The following STAU1 variants were observed in gnomAD, a reference collection of about 807,000 sequenced individuals.
The protein encoded by STAU1 is staufen double-stranded RNA binding protein 1.
In STAU1, 13 loss-of-function variants were observed where a neutral mutation model predicts 62.9. The ratio of observed to expected loss-of-function variants is 0.21; its 90% CI spans 0.13 to 0.33. STAU1 has a LOEUF of 0.33. Ranked by LOEUF, STAU1 falls within the 10% of genes least tolerant of loss-of-function variation. The pLI, the probability that STAU1 is intolerant of heterozygous loss-of-function variation, is 1.00. For synonymous variants in STAU1, 269 were observed against 265.1 expected (o/e 1.01, Z -0.14); for missense variants, 571 against 712.1 (o/e 0.80, Z 2.25).
chr20:49,171,005 T>C (rs1351013108), intron 2 of STAU1, among the ~76,000 whole-genome samples: 1 of 152,236 alleles, frequency 6.6e-6, no homozygotes, highest in Non-Finnish European at 1.5e-5. Flanking sequence ...CAAAAACTTA[T>C]TAAGCATCTA....
intron 1 of STAU1, among the ~76,000 whole-genome samples, chr20:49,181,144 T>C (rs2093719839): frequency 6.6e-6 from 1 of 152,182 alleles, no homozygotes; most frequent in South Asian, 2.1e-4. Context: ...AAATACAACA[T>C]AAAGGGTCTA....
Position 49,123,230 on chromosome 20 carries a change from C to G in STAU1, c.828G>C (p.Gln276His). 1.9e-6 allele frequency: 3 copies of G among 1,614,160 alleles called. No homozygotes were observed. The highest frequency in any genetic ancestry group is 2.2e-5 in the South Asian group (2 of 91,076). The change falls in exon 8 of 14, where the codon CAG (glutamine) becomes CAC (histidine). Residue 276 changes from glutamine (Q) to histidine (H), a missense_variant. By Grantham distance (24) the Gln-to-His change is conservative. Around this residue, in one of 3 missense-constraint regions of STAU1, gnomAD observed 414 missense variants for 499.6 expected, o/e 0.83. Coordinates refer to ENST00000371856, the MANE Select transcript of STAU1 (RefSeq NM_017453.4). ...KKKTKPIVKP[Q>H]TSPEYGQGIN... is the part of the protein sequence containing the mutation. The stretch of plus-strand genomic sequence containing the variant: ...TCCCCTGGCCATATTCTGGGCTTGT[C>G]TGTGGCTGAGGAACAAACAAGGCAG...
intron 13 of STAU1, among the ~76,000 whole-genome samples, 171 bp downstream of exon 13, chr20:49,115,611 T>C (rs963803368): frequency 2.0e-5 from 3 of 152,190 alleles, no homozygotes; most frequent in African/African-American, 7.2e-5. Flanking sequence ...TCAAAATGTC[T>C]TTTAAAAGTA....
intron 5 of STAU1, among the ~76,000 whole-genome samples, chr20:49,140,609 A>T (rs2092986869): frequency 6.6e-6 from 1 of 152,150 alleles, no homozygotes; most frequent in Admixed American, 6.6e-5. Flanking sequence ...GCATAGAAAC[A>T]GAAAGTAAAG....
chr20:49,145,460 TG>T (rs1242309980), intron 5 of STAU1, among the ~76,000 whole-genome samples: 110 of 119,070 alleles, frequency 9.2e-4, no homozygotes, highest in Admixed American at 7.6e-3. Context: ...AGACCAAGCG[TG>T]GTGGCTCACG....
chr20:49,114,594 CGGGA>C lies in STAU1; in HGVS notation c.*280_*283del. On this transcript the variant is annotated 3_prime_UTR_variant, in exon 14 of 14. Transcript: ENST00000371856. ...CCAGGGTGTGGATCTGCTGGTGTCC[CGGGA>C]GAACCAGCTGGCTGGGCAGCCCTTC... 3 of 443,050 alleles carry C rather than the reference CGGGA, an allele frequency of 6.8e-6. No homozygotes were observed. Among genetic ancestry groups the C allele is most frequent in the South Asian group, 4.4e-5 (1 of 22,748 alleles). 27.4% of individuals were successfully genotyped at this position (443,050 alleles called of 1,614,324 possible).
At chr20:49,173,010 T>C (rs1417117892) in intron 2 of STAU1, among the ~76,000 whole-genome samples, 2 of 151,288 alleles carry the variant, frequency 1.3e-5, no homozygotes, top group Non-Finnish European at 2.9e-5. Context: ...ACCTGGCTAA[T>C]GTTTTTTGTA....
the STAU1 span, among the ~76,000 whole-genome samples, chr20:49,206,742 TATATATATA>T: frequency 3.7e-5 from 5 of 134,532 alleles, no homozygotes; most frequent in African/African-American, 5.9e-5. Flanking sequence ...TATATATATA[TATATATATA>T]TTTTATTTTA....
chr20:49,118,427 A>G lies in STAU1; in HGVS notation c.1114-19T>C, dbSNP rs542588754. 224 of 1,576,224 alleles carry G rather than the reference A, an allele frequency of 1.4e-4. 1 individual carries two copies. In the Middle Eastern group the frequency reaches 3.6e-3, roughly 25 times the overall value. ...TGGGTGTCTTAAAAAAGAAGAAGAA[A>G]AAAAAAAGGCCATGAGCATAAATCA... On this transcript the variant is annotated intron_variant, in intron 9 of 13. Transcript: ENST00000371856.
chr20:49,147,803 G>A (rs1205835569), intron 5 of STAU1, among the ~76,000 whole-genome samples: 1 of 152,184 alleles, frequency 6.6e-6, no homozygotes, highest in Non-Finnish European at 1.5e-5. Flanking sequence ...GTCCTCCAAG[G>A]AATTTTAAGT....
chr20:49,122,060 T>G (rs6125557), intron 8 of STAU1, among the ~76,000 whole-genome samples: 16,158 of 152,284 alleles, frequency 0.11, 1,005 homozygotes, highest in Non-Finnish European at 0.13. Flanking sequence ...TTTCCTACCT[T>G]CTGACTGCAT....
At chr20:49,158,922 A>AATAAATAG in intron 3 of STAU1, 1 of 1,240,022 alleles carries the variant, frequency 8.1e-7, no homozygotes. Flanking sequence ...TAAATAAATA[A>AATAAATAG]ATAAATAATC....
chr20:49,210,832 A>T, the STAU1 span, among the ~76,000 whole-genome samples: 14 of 152,204 alleles, frequency 9.2e-5, no homozygotes, highest in Non-Finnish European at 1.8e-4. Context: ...AAAATTAGCC[A>T]TTTCACAGTG....
rs1349583293 is a variant in STAU1, at chr20:49,123,231, T to G, written c.827A>C (p.Gln276Pro). ...KKKTKPIVKP[Q>P]TSPEYGQGIN... is the part of the protein sequence containing the mutation. ...CCCCTGGCCATATTCTGGGCTTGTC[T>G]GTGGCTGAGGAACAAACAAGGCAGA... Residue 276 changes from glutamine to proline, a missense_variant, in exon 8 of 14, where the codon CAG (glutamine) becomes CCG (proline). Physicochemically the swap from Gln to Pro is moderately conservative, Grantham distance 76. Coordinates refer to ENST00000371856, the MANE Select transcript of STAU1 (RefSeq NM_017453.4). 6.2e-7 allele frequency: 1 copy of G among 1,614,098 alleles called. No homozygotes were observed. Among genetic ancestry groups the G allele is most frequent in the Non-Finnish European group, 8.5e-7 (1 of 1,180,040 alleles).
At chr20:49,125,749 G>A (rs181084002) in intron 6 of STAU1, among the ~76,000 whole-genome samples, 29 of 152,120 alleles carry the variant, frequency 1.9e-4, no homozygotes, top group Non-Finnish European at 3.4e-4. Flanking sequence ...TCGGGAGGCT[G>A]AAGCAGGAGA....
rs34370524 is a variant in STAU1 at position 49,137,832 on chromosome 20, A to ATTTT, written c.511-1905_511-1902dup. On this transcript the variant is annotated intron_variant, in intron 5 of 13. Coordinates refer to ENST00000371856, the MANE Select transcript of STAU1 (RefSeq NM_017453.4). Reference sequence around the variant, plus strand: ...AGGCACCCACCACCACACCCGGCTAATTTTTTTTTTTTTTTTTTTGTATCT... The same window carrying ATTTT: ...AGGCACCCACCACCACACCCGGCTAATTTTTTTTTTTTTTTTTTTTTTTGTATCT... Among the ~76,000 whole-genome samples, 754 of 128,416 alleles carry ATTTT rather than the reference A, an allele frequency of 5.9e-3. 13 individuals are homozygous for ATTTT. Among genetic ancestry groups the ATTTT allele is most frequent in the African/African-American group, 0.013 (473 of 35,044 alleles). 84.2% of individuals were successfully genotyped at this position (128,416 alleles called of 152,430 possible).
chr20:49,212,615 A>ATTTTGTTTTTTTTTTTTTTTTTTTTTTTT, the STAU1 span, among the ~76,000 whole-genome samples: 1 of 85,176 alleles, frequency 1.2e-5, no homozygotes, highest in East Asian at 3.3e-4. Context: ...AGCTATTGGA[A>ATTTTGTTTTTTTTTTTTTTTTTTTTTTTT]TTTTTTTTTT....
chr20:49,141,105 C>T (rs2092996719), intron 5 of STAU1, among the ~76,000 whole-genome samples: 1 of 151,988 alleles, frequency 6.6e-6, no homozygotes, highest in African/African-American at 2.4e-5. Flanking sequence ...CTTTGAATGC[C>T]ACGTACATGC....
Position 49,117,295 on chromosome 20 carries a change from G to T in STAU1, c.1510-47C>A. Reference sequence around the variant, plus strand: ...AGGCTAGGTAGGGAACAGCAAGTATGAGTGGGCTGGAGGGCTGCAGCTCCA... The same window carrying T: ...AGGCTAGGTAGGGAACAGCAAGTATTAGTGGGCTGGAGGGCTGCAGCTCCA... On this transcript the variant is annotated intron_variant, in intron 11 of 13. Transcript: ENST00000371856. The surrounding 1 kb of genome is among the most constrained non-coding windows in gnomAD (Gnocchi z 4.6). The T allele has an allele frequency of 1.2e-6, 2 of 1,605,924 alleles. No homozygotes were observed. The highest frequency in any genetic ancestry group is 1.7e-6 in the Non-Finnish European group (2 of 1,175,090).
Sources: gnomAD v4.1 joint callset for allele counts (sites outside exome capture counted in the v4.1 genomes callset) on GRCh38, gnomAD v4.1.1 for gene constraint, gnomAD v4.1.1 regional missense constraint, Gnocchi (gnomAD v3.1) non-coding constraint, MANE v1.5 for transcripts, NCBI Gene and HGNC (gene_info 2026-07-23, HGNC 2026-07-21) for gene names.